The following TCERG1L variants were observed in gnomAD, a reference collection of about 807,000 sequenced individuals.
TCERG1L encodes the protein transcription elongation regulator 1-like protein.
TCERG1L carries 37 observed loss-of-function variants against 56.3 expected under a neutral mutation model. The observed-to-expected ratio is 0.66, with a 90% CI of 0.51 to 0.87. The LOEUF (loss-of-function observed/expected upper bound fraction) is 0.87. Among genes scored for constraint, TCERG1L ranks in the 40% least tolerant of loss-of-function variants. The probability of loss-of-function intolerance (pLI) is 0.00; values close to 1 mark genes in which losing one functional copy is unlikely to be tolerated. For synonymous variants in TCERG1L, 324 were observed against 326.3 expected (o/e 0.99, Z 0.08); for missense variants, 799 against 774.2 (o/e 1.03, Z -0.38).
intron 7 of TCERG1L, among the ~76,000 whole-genome samples, chr10:131,144,068 AC>A (rs36058739): frequency 0.051 from 7,717 of 152,172 alleles, 292 homozygotes; most frequent in South Asian, 0.22. Flanking sequence ...ACACACGCAC[AC>A]GCAGGCACAC....
At chr10:131,239,904 T>TA (rs2133519574) in intron 4 of TCERG1L, among the ~76,000 whole-genome samples, 1 of 152,344 alleles carries the variant, frequency 6.6e-6, no homozygotes, top group East Asian at 1.9e-4. Context: ...GGTGTCTTCC[T>TA]ACTGCATCTC....
At chr10:131,299,080 T>G (rs1846729730) in intron 3 of TCERG1L, among the ~76,000 whole-genome samples, 1 of 152,190 alleles carries the variant, frequency 6.6e-6, no homozygotes, top group Admixed American at 6.5e-5. Context: ...TATTAGAAAT[T>G]TTTATCCCTA....
chr10:131,292,144 T>A (rs1846634730), intron 3 of TCERG1L, among the ~76,000 whole-genome samples: 1 of 152,226 alleles, frequency 6.6e-6, no homozygotes, highest in African/African-American at 2.4e-5. Context: ...ACAGTTTCAG[T>A]AAAACAATAA....
At chr10:131,299,813 T>C (rs941963540) in intron 3 of TCERG1L, among the ~76,000 whole-genome samples, 2 of 152,138 alleles carry the variant, frequency 1.3e-5, no homozygotes, top group African/African-American at 4.8e-5. Flanking sequence ...AATTCCACAC[T>C]TCCAATTCCT....
At position 131,202,273 on chromosome 10, in the gene TCERG1L, C is replaced by T. The variant is rs1025971667; in HGVS notation, c.857-35388G>A. 2.0e-5 allele frequency among the ~76,000 whole-genome samples: 3 copies of T among 152,178 alleles called. No individual in the cohort carries two copies. In the East Asian group the frequency reaches 5.8e-4, roughly 29 times the overall value. ...CGCATGTCTGCACCGTGGGGTACCACAAAAGCTGGTAAGGCCGGAACTTTT... is the reference window on the plus strand; with the variant it reads ...CGCATGTCTGCACCGTGGGGTACCATAAAAGCTGGTAAGGCCGGAACTTTT... On this transcript the variant is annotated intron_variant, in intron 4 of 11. Coordinates refer to ENST00000368642, the MANE Select transcript of TCERG1L (RefSeq NM_174937.4).
At chr10:131,174,162 C>A (rs1846122098) in intron 4 of TCERG1L, among the ~76,000 whole-genome samples, 1 of 152,174 alleles carries the variant, frequency 6.6e-6, no homozygotes. Context: ...GACCTGCTGA[C>A]CTGCCTGGAA....
At chr10:131,229,284 C>A (rs1045004554) in intron 4 of TCERG1L, among the ~76,000 whole-genome samples, 2 of 152,282 alleles carry the variant, frequency 1.3e-5, no homozygotes, top group African/African-American at 4.8e-5. Context: ...CCGCATCGAA[C>A]TGTCCAACAT....
At chr10:131,199,163 G>A (rs551175700) in intron 4 of TCERG1L, among the ~76,000 whole-genome samples, 68 of 152,230 alleles carry the variant, frequency 4.5e-4, no homozygotes, top group African/African-American at 1.1e-3. Context: ...TCCTGCTCCC[G>A]TTGTCTGGTG....
intron 9 of TCERG1L, among the ~76,000 whole-genome samples, chr10:131,109,764 G>A (rs1845392328): frequency 6.6e-6 from 1 of 152,092 alleles, no homozygotes; most frequent in South Asian, 2.1e-4. Flanking sequence ...CTCTCCCTGG[G>A]CACGCCGGCT....
At position 131,232,183 on chromosome 10, in the gene TCERG1L, G is replaced by A. The variant is rs115109791; in HGVS notation, c.856+28076C>T. On this transcript the variant is annotated intron_variant, in intron 4 of 11. Transcript: ENST00000368642. ...TGCCATTAGGCCCATTCATTCTCAC[G>A]CGCTGTCATGCCCATGAAAACATGG... 4.2e-3 allele frequency among the ~76,000 whole-genome samples: 644 copies of A among 152,326 alleles called. 5 individuals are homozygous for A. The highest frequency in any genetic ancestry group is 0.015 in the African/African-American group (612 of 41,574).
At chr10:131,262,818 G>A (rs1007724670) in intron 3 of TCERG1L, among the ~76,000 whole-genome samples, 1 of 152,112 alleles carries the variant, frequency 6.6e-6, no homozygotes, top group East Asian at 1.9e-4. Flanking sequence ...CCTGGCCTCC[G>A]CCTGTTCATC....
chr10:131,213,312 C>T (rs763223254), intron 4 of TCERG1L, among the ~76,000 whole-genome samples: 29 of 152,318 alleles, frequency 1.9e-4, no homozygotes, highest in South Asian at 6.2e-4. Context: ...CACCCGTGAA[C>T]GTGGGAGGGC....
chr10:131,145,978 A>G (rs573965496), intron 7 of TCERG1L, among the ~76,000 whole-genome samples: 1 of 152,364 alleles, frequency 6.6e-6, no homozygotes, highest in South Asian at 2.1e-4. Flanking sequence ...AGGCATTGTC[A>G]GAAACAACTG....
chr10:131,222,901 G>A (rs960081681), intron 4 of TCERG1L, among the ~76,000 whole-genome samples: 4 of 152,164 alleles, frequency 2.6e-5, no homozygotes, highest in Admixed American at 6.5e-5. Flanking sequence ...CCTGGGAGAA[G>A]GTGCTGTTAC....
At chr10:131,093,414 CT>C in intron 11 of TCERG1L, 96 bp from the exon 12 acceptor site, 1 of 1,466,486 alleles carries the variant, frequency 6.8e-7, no homozygotes, top group Non-Finnish European at 9.2e-7. Context: ...GCATCCAGCC[CT>C]TCCACCAGGC....
At chr10:131,305,931 AATT>A (rs1031804464) in intron 3 of TCERG1L, among the ~76,000 whole-genome samples, 42 of 152,230 alleles carry the variant, frequency 2.8e-4, no homozygotes, top group African/African-American at 8.7e-4. Flanking sequence ...TTGTGATACA[AATT>A]ATTATAACAT....
At chr10:131,140,995 C>T (rs1320401697) in intron 7 of TCERG1L, among the ~76,000 whole-genome samples, 3 of 152,070 alleles carry the variant, frequency 2.0e-5, no homozygotes, top group African/African-American at 2.4e-5. Flanking sequence ...TTGCATCCTG[C>T]TTATGAGAGA....
chr10:131,170,300 G>C (rs375340253), intron 4 of TCERG1L, among the ~76,000 whole-genome samples: 60 of 152,026 alleles, frequency 3.9e-4, no homozygotes, highest in African/African-American at 1.3e-3. Context: ...CTTTGCTTTG[G>C]GCCTCTCCAC....
intron 3 of TCERG1L, among the ~76,000 whole-genome samples, chr10:131,290,538 G>A (rs186344932): frequency 1.3e-3 from 201 of 150,356 alleles, no homozygotes; most frequent in Non-Finnish European, 2.3e-3. Flanking sequence ...GGCTGAGACA[G>A]GAGAATTGCT....
Sources: gnomAD v4.1 joint callset for allele counts (sites outside exome capture counted in the v4.1 genomes callset) on GRCh38, gnomAD v4.1.1 for gene constraint, MANE v1.5 for transcripts, NCBI Gene and HGNC (gene_info 2026-07-23, HGNC 2026-07-21) for gene names.